Variants in ANAPC4 observed in about 807,000 individuals in gnomAD.
ANAPC4 encodes anaphase-promoting complex subunit 4.
In ANAPC4, 63 loss-of-function variants were observed where a neutral mutation model predicts 119.8. The observed-to-expected ratio is 0.53, with a 90% CI of 0.43 to 0.65. The LOEUF (loss-of-function observed/expected upper bound fraction) is 0.65. Among genes scored for constraint, ANAPC4 ranks in the 30% least tolerant of loss-of-function variants. The pLI, the probability that ANAPC4 is intolerant of heterozygous loss-of-function variation, is 0.00. For missense variants in ANAPC4, 716 were observed against 945.1 expected (o/e 0.76, Z 3.18); for synonymous variants, 283 against 318.6 (o/e 0.89, Z 1.19).
intron 4 of ANAPC4, 99 bp from the exon 5 acceptor site, chr4:25,388,401 T>G (rs539702987): frequency 7.6e-5 from 60 of 784,582 alleles, no homozygotes; most frequent in African/African-American, 7.4e-4. Flanking sequence ...CTTGATAATG[T>G]TGTAAAACTG....
chr4:25,403,214 C>T (rs564771188), intron 17 of ANAPC4, among the ~76,000 whole-genome samples, 188 bp downstream of exon 17: 2 of 152,208 alleles, frequency 1.3e-5, no homozygotes, highest in Admixed American at 6.5e-5. Context: ...TTTATTCATA[C>T]ACCCAGCTCA....
At chr4:25,395,544 G>C (rs564625260) in intron 14 of ANAPC4, 3 of 152,800 alleles carry the variant, frequency 2.0e-5, no homozygotes, top group South Asian at 4.1e-4. Context: ...CCGCCTCCCG[G>C]GTTCAAGCGA....
chr4:25,399,094 T>G (rs1046955076), intron 16 of ANAPC4, among the ~76,000 whole-genome samples: 13 of 137,816 alleles, frequency 9.4e-5, no homozygotes, highest in African/African-American at 3.7e-4. Context: ...ATACTGTATT[T>G]ATCATATAAT....
intron 22 of ANAPC4, chr4:25,413,990 T>G: frequency 6.2e-6 from 3 of 483,166 alleles, no homozygotes; most frequent in Non-Finnish European, 1.1e-5. Flanking sequence ...TTGAGTATTT[T>G]ATTTGTTCCC....
At chr4:25,391,969 A>T (rs553290324) in intron 9 of ANAPC4, among the ~76,000 whole-genome samples, 1 of 152,258 alleles carries the variant, frequency 6.6e-6, no homozygotes, top group African/African-American at 2.4e-5. Context: ...TTATTAAGAT[A>T]CAATTCATAT....
intron 16 of ANAPC4, among the ~76,000 whole-genome samples, chr4:25,397,759 G>A (rs559775970): frequency 1.5e-4 from 20 of 136,848 alleles, no homozygotes; most frequent in Non-Finnish European, 2.1e-4. Context: ...TTTTTTTTTC[G>A]TTTTGAAAAA....
intron 28 of ANAPC4, 172 bp downstream of exon 28, chr4:25,417,911 G>T: frequency 1.0e-6 from 1 of 988,762 alleles, no homozygotes; most frequent in East Asian, 2.6e-5. Flanking sequence ...TTTAGTTCTT[G>T]TTCTGATAAA....
At chr4:25,417,772 A>C in intron 28 of ANAPC4, 33 bp downstream of exon 28, 2 of 1,583,444 alleles carry the variant, frequency 1.3e-6, no homozygotes, top group Non-Finnish European at 1.7e-6. Context: ...GCAACTAAGA[A>C]ATTACAAGAA....
Position 25,381,362 on chromosome 4 carries a change from C to CGGCTCACTGCAACCTTG in ANAPC4, c.235+893_235+909dup, listed in dbSNP as rs1270098535. Among the ~76,000 whole-genome samples, 594 of 152,196 alleles carry CGGCTCACTGCAACCTTG rather than the reference C, an allele frequency of 3.9e-3. 2 individuals carry two copies. The highest frequency in any genetic ancestry group is 0.013 in the African/African-American group (555 of 41,528). ...GGAGTGCAGTGCAGTGGTGCAATCTCGGCTCACTGCAACCTTGGGCTCACT... is the reference window on the plus strand; with the variant it reads ...GGAGTGCAGTGCAGTGGTGCAATCTCGGCTCACTGCAACCTTGGGCTCACTGCAACCTTGGGCTCACT... On this transcript the variant is annotated intron_variant, in intron 3 of 28. Coordinates refer to ENST00000315368, the MANE Select transcript of ANAPC4 (RefSeq NM_013367.3).
chr4:25,396,553 C>T, intron 14 of ANAPC4, 111 bp from the exon 15 acceptor site: 1 of 817,314 alleles, frequency 1.2e-6, no homozygotes. Context: ...CTCATGGAAA[C>T]AAAATGAAAG....
chr4:25,407,136 A>C, intron 19 of ANAPC4, 61 bp from the exon 20 acceptor site: 1 of 1,436,198 alleles, frequency 7.0e-7, no homozygotes, highest in Non-Finnish European at 9.6e-7. Context: ...TTGGGTTTAA[A>C]TTTAAGATAT....
chr4:25,413,675 G>A lies in ANAPC4; in HGVS notation c.1556G>A (p.Arg519Gln), dbSNP rs769299350. 8 of 1,613,074 alleles carry A rather than the reference G, an allele frequency of 5.0e-6. No homozygotes were observed. Among genetic ancestry groups the A allele is most frequent in the East Asian group, 2.2e-5 (1 of 44,850 alleles). Reference protein sequence around the residue: ...ESPLLFPYYPRKSLHFVKRRM... With the variant: ...ESPLLFPYYPQKSLHFVKRRM... The stretch of plus-strand genomic sequence containing the variant: ...CCTTTGCTGTTTCCTTATTATCCTC[G>A]AAAATCATTGCATTTTGTGAAAAGG... Residue 519 changes from arginine to glutamine, a missense_variant, in exon 22 of 29, where the codon CGA (arginine) becomes CAA (glutamine). By Grantham distance (43) the Arg-to-Gln change is conservative. Coordinates refer to ENST00000315368, the MANE Select transcript of ANAPC4 (RefSeq NM_013367.3).
At chr4:25,413,565 C>T in intron 21 of ANAPC4, 80 bp from the exon 22 acceptor site, 1 of 1,080,158 alleles carries the variant, frequency 9.3e-7, no homozygotes. Flanking sequence ...CAGACTGGCT[C>T]TAACAGTAGA....
chr4:25,390,292 A>T (rs555692788), intron 8 of ANAPC4, 72 bp downstream of exon 8: 31 of 1,113,626 alleles, frequency 2.8e-5, no homozygotes, highest in Non-Finnish European at 3.6e-5. Context: ...ATGGAAAAAG[A>T]ATAAAACACT....
chr4:25,396,379 G>A (rs1401787174), intron 14 of ANAPC4, among the ~76,000 whole-genome samples: 2 of 152,208 alleles, frequency 1.3e-5, no homozygotes, highest in South Asian at 2.1e-4. Context: ...GTAGTTGGGT[G>A]AACAAGATGG....
chr4:25,377,313 C>A lies in ANAPC4; in HGVS notation c.-42C>A. 1 of 1,409,770 alleles carries A rather than the reference C, an allele frequency of 7.1e-7. No individual in the cohort carries two copies. The highest frequency in any genetic ancestry group is 1.4e-5 in the South Asian group (1 of 73,332). 87.3% of individuals were successfully genotyped at this position (1,409,770 alleles called of 1,614,324 possible). On this transcript the variant is annotated 5_prime_UTR_variant, in exon 1 of 29. Coordinates refer to ENST00000315368, the MANE Select transcript of ANAPC4 (RefSeq NM_013367.3). ...AGAGGGAGGGGAGAGGCCACTGGGG[C>A]CGTGTTAGTCTGCCGGTGGGGACTC... is the stretch of plus-strand genomic sequence containing the variant.
At chr4:25,397,394 A>G (rs1462734807) in intron 16 of ANAPC4, among the ~76,000 whole-genome samples, 2 of 151,998 alleles carry the variant, frequency 1.3e-5, no homozygotes, top group Admixed American at 6.6e-5. Context: ...CCTCTGCTTC[A>G]GCCTGCAGCT....
chr4:25,384,692 C>T (rs536130432), intron 4 of ANAPC4, among the ~76,000 whole-genome samples: 6 of 151,986 alleles, frequency 3.9e-5, no homozygotes, highest in African/African-American at 1.4e-4. Context: ...GTCCCAGCTG[C>T]TCAGGAGGCT....
At chr4:25,413,864 T>C (rs939893520) in intron 22 of ANAPC4, 122 bp downstream of exon 22, 6 of 783,808 alleles carry the variant, frequency 7.7e-6, no homozygotes, top group Non-Finnish European at 1.0e-5. Flanking sequence ...GTCAACTGTT[T>C]TTGATTAACA....
Sources: allele counts gnomAD v4.1 joint callset (sites outside exome capture counted in the v4.1 genomes callset), GRCh38; gene constraint gnomAD v4.1.1; transcripts MANE v1.5; gene names NCBI Gene and HGNC (gene_info 2026-07-23, HGNC 2026-07-21).